The following NOL10 variants were observed in gnomAD, a reference collection of about 807,000 sequenced individuals.
The protein encoded by NOL10 is nucleolar protein 10, also known as H_NH0074G24.1.
A neutral mutation model predicts 103.5 loss-of-function variants in NOL10; 58 were observed. The ratio of observed to expected loss-of-function variants is 0.56; its 90% CI spans 0.45 to 0.70. The LOEUF (loss-of-function observed/expected upper bound fraction) is 0.70, where lower values mean the gene tolerates loss of function less well. Among genes scored for constraint, NOL10 ranks in the 30% least tolerant of loss-of-function variants. The pLI is 0.00. For missense variants in NOL10, 763 were observed against 807.3 expected (o/e 0.95, Z 0.67); for synonymous variants, 287 against 282.5 (o/e 1.02, Z -0.16).
At chr2:10,635,369 G>A (rs1051646185) in intron 13 of NOL10, among the ~76,000 whole-genome samples, 6 of 152,140 alleles carry the variant, frequency 3.9e-5, no homozygotes, top group African/African-American at 1.4e-4. Flanking sequence ...TTTGTTTCCA[G>A]AGATTGTGGG....
intron 14 of NOL10, among the ~76,000 whole-genome samples, chr2:10,606,893 G>A (rs545243010): frequency 6.6e-6 from 1 of 151,926 alleles, no homozygotes; most frequent in South Asian, 2.1e-4. Flanking sequence ...CACTCCTTTC[G>A]TGACAATTTT....
At chr2:10,644,462 C>A in intron 12 of NOL10, 90 bp from the exon 13 acceptor site, 1 of 883,552 alleles carries the variant, frequency 1.1e-6, no homozygotes, top group Non-Finnish European at 1.7e-6. Flanking sequence ...GCCTGAGGAA[C>A]TTCTGTTAGT....
intron 4 of NOL10, 36 bp downstream of exon 4, chr2:10,675,758 C>A: frequency 8.1e-7 from 1 of 1,227,472 alleles, no homozygotes; most frequent in Non-Finnish European, 1.1e-6. Context: ...ACATAAAAAG[C>A]CATTTTCATG....
chr2:10,665,896 T>G (rs538298927), intron 8 of NOL10, among the ~76,000 whole-genome samples: 2 of 152,332 alleles, frequency 1.3e-5, no homozygotes, highest in South Asian at 4.1e-4. Flanking sequence ...CAACTTCAAC[T>G]TCTTTGTTAG....
At chr2:10,637,212 A>AAAAC (rs1558309788) in intron 13 of NOL10, among the ~76,000 whole-genome samples, 1 of 137,160 alleles carries the variant, frequency 7.3e-6, no homozygotes, top group East Asian at 2.8e-4. Context: ...AAAAAAAAAA[A>AAAAC]ACACACACAC....
intron 14 of NOL10, among the ~76,000 whole-genome samples, chr2:10,606,872 GA>G (rs909521415): frequency 7.3e-5 from 11 of 150,486 alleles, no homozygotes; most frequent in South Asian, 2.1e-4. Flanking sequence ...TAATACTGGT[GA>G]AAAAAAAATC....
At chr2:10,601,696 C>T (rs1370357121) in intron 16 of NOL10, among the ~76,000 whole-genome samples, 1 of 152,048 alleles carries the variant, frequency 6.6e-6, no homozygotes, top group Admixed American at 6.5e-5. Context: ...GCCTATAGTC[C>T]CTAGCTACTT....
intron 13 of NOL10, among the ~76,000 whole-genome samples, chr2:10,619,841 C>T (rs1677034750): frequency 6.6e-6 from 1 of 152,182 alleles, no homozygotes; most frequent in East Asian, 1.9e-4. Context: ...TGTTTATCAT[C>T]ATATTACACT....
At position 10,689,812 on chromosome 2, in the gene NOL10, C is replaced by A. The variant is rs1472531995; in HGVS notation, c.50G>T (p.Gly17Val). Reference sequence around the variant, plus strand: ...GTGACTCACCTCAGGAAGGGACTTGCCGCAGCTGAGGCTGTAAATCTTCAC... The same window carrying A: ...GTGACTCACCTCAGGAAGGGACTTGACGCAGCTGAGGCTGTAAATCTTCAC... Reference protein sequence around the residue: ...NEVKIYSLSCGKSLPEWLSDR... With the variant: ...NEVKIYSLSCVKSLPEWLSDR... The change falls in exon 1 of 21, where the codon GGC (glycine) becomes GTC (valine). Residue 17 changes from glycine to valine, a missense_variant. By Grantham distance (109) the Gly-to-Val change is moderately radical. Coordinates refer to ENST00000381685, the MANE Select transcript of NOL10 (RefSeq NM_024894.4). 2 of 1,606,186 alleles carry A rather than the reference C, an allele frequency of 1.2e-6. No homozygotes were observed. The highest frequency in any genetic ancestry group is 2.7e-5 in the African/African-American group (2 of 74,920).
chr2:10,659,088 G>T, intron 10 of NOL10, 84 bp downstream of exon 10: 1 of 902,584 alleles, frequency 1.1e-6, no homozygotes, highest in Non-Finnish European at 1.8e-6. Context: ...CTCATTTTCT[G>T]TTCCTGCAGT....
chr2:10,644,680 C>A (rs998136332), intron 12 of NOL10, among the ~76,000 whole-genome samples: 5 of 152,218 alleles, frequency 3.3e-5, no homozygotes, highest in African/African-American at 4.8e-5. Context: ...GCCCTGACTA[C>A]AGCACAGTCA....
chr2:10,682,138 G>A, intron 2 of NOL10, 69 bp from the exon 3 acceptor site: 1 of 614,040 alleles, frequency 1.6e-6, no homozygotes. Flanking sequence ...GAAGACAAAT[G>A]GGTACCAAGC....
Position 10,607,182 on chromosome 2 carries a change from T to A in NOL10, c.1153+3A>T, listed in dbSNP as rs1234756547. ...TAATATTTCATCACAATTTTTTTTTTACCTAAATTTTCAAGGTCTTTCTTG... is the reference window on the plus strand; with the variant it reads ...TAATATTTCATCACAATTTTTTTTTAACCTAAATTTTCAAGGTCTTTCTTG... On this transcript the variant is annotated splice_donor_region_variant and intron_variant, in intron 14 of 20. Transcript: ENST00000381685. 1.3e-6 allele frequency: 2 copies of A among 1,540,482 alleles called. No homozygotes were observed. Among genetic ancestry groups the A allele is most frequent in the East Asian group, 2.3e-5 (1 of 43,710 alleles).
chr2:10,600,739 C>T lies in NOL10; in HGVS notation c.1422+114G>A, dbSNP rs116176203. The T allele has an allele frequency of 8.3e-4, 582 of 697,510 alleles. 4 individuals are homozygous for T. The African/African-American group carries it at 9.5e-3, about 11-fold the overall frequency. The allele number at this position is 697,510 out of a possible 1,614,324, so 43.2% of individuals were successfully genotyped here. On this transcript the variant is annotated intron_variant, in intron 17 of 20. Coordinates refer to ENST00000381685, the MANE Select transcript of NOL10 (RefSeq NM_024894.4). ...ATCTTAAGCATATACTAATCTTATA[C>T]GCAGGAAAGAAAAAGTCCTACATGT...
chr2:10,644,446 T>C, intron 12 of NOL10, 74 bp from the exon 13 acceptor site: 1 of 1,080,364 alleles, frequency 9.3e-7, no homozygotes, highest in Admixed American at 3.1e-5. Flanking sequence ...CTTTCCATTC[T>C]GAAATGCCTG....
At chr2:10,623,451 C>T (rs1441025162) in intron 13 of NOL10, among the ~76,000 whole-genome samples, 1 of 152,146 alleles carries the variant, frequency 6.6e-6, no homozygotes, top group Non-Finnish European at 1.5e-5. Context: ...GAACGTCCTT[C>T]GAAATTTGAA....
At chr2:10,633,239 C>T (rs894668227) in intron 13 of NOL10, among the ~76,000 whole-genome samples, 3 of 151,742 alleles carry the variant, frequency 2.0e-5, no homozygotes, top group Non-Finnish European at 4.4e-5. Flanking sequence ...TTAGTTATTC[C>T]GTTATTTTTT....
At chr2:10,595,258 A>C (rs1675612976) in intron 17 of NOL10, among the ~76,000 whole-genome samples, 1 of 152,010 alleles carries the variant, frequency 6.6e-6, no homozygotes, top group Non-Finnish European at 1.5e-5. Context: ...CAGAGGGAGG[A>C]AAAGGGGCAG....
chr2:10,595,580 GT>G (rs1252086398), intron 17 of NOL10, among the ~76,000 whole-genome samples: 3 of 127,558 alleles, frequency 2.4e-5, no homozygotes, highest in Non-Finnish European at 5.4e-5. Flanking sequence ...TTACAGAAAT[GT>G]TTTTTTGTTT....
Sources: gnomAD v4.1 joint callset for allele counts (sites outside exome capture counted in the v4.1 genomes callset) on GRCh38, gnomAD v4.1.1 for gene constraint, MANE v1.5 for transcripts, NCBI Gene and HGNC (gene_info 2026-07-23, HGNC 2026-07-21) for gene names.